HTR1E: variants seen among roughly 807,000 people sequenced by gnomAD.
The protein encoded by HTR1E is 5-hydroxytryptamine receptor 1E.
Under a neutral mutation model 3.4 loss-of-function variants are expected in HTR1E, and 3 were observed. That is an observed-to-expected ratio of 0.89 (90% CI 0.41 to 2.31). The LOEUF (loss-of-function observed/expected upper bound fraction) is 2.31. HTR1E is among the 30% of genes most tolerant of loss of function. The pLI, the probability that HTR1E is intolerant of heterozygous loss-of-function variation, is 0.05. For synonymous variants in HTR1E, 170 were observed against 182.8 expected, an observed-to-expected ratio of 0.93 and a Z score of 0.56; for missense variants, 392 against 467.0, an observed-to-expected ratio of 0.84 and a Z score of 1.48.
intron 1 of HTR1E, among the ~76,000 whole-genome samples, chr6:86,992,377 T>C (rs1562069348): frequency 6.6e-6 from 1 of 152,260 alleles, no homozygotes; most frequent in East Asian, 1.9e-4. Flanking sequence ...TTGTAATACA[T>C]GTGGTATGGA....
At chr6:86,967,641 G>A (rs959106727) in intron 1 of HTR1E, among the ~76,000 whole-genome samples, 13 of 152,056 alleles carry the variant, frequency 8.5e-5, no homozygotes, top group African/African-American at 3.1e-4. Context: ...CTTAGGATCA[G>A]GGAAATTTAT....
chr6:86,972,297 C>T (rs1417088686), intron 1 of HTR1E, among the ~76,000 whole-genome samples: 2 of 152,058 alleles, frequency 1.3e-5, no homozygotes, highest in East Asian at 1.9e-4. Context: ...TCATCCCTTA[C>T]ATTCTTAGCT....
In HTR1E at chr6:87,010,862, C is replaced by A. The variant is rs147181998; in HGVS notation, c.-185-4288C>A. The stretch of plus-strand genomic sequence containing the variant: ...CCTCCAGCCGCTGCCTCCCGGGCGG[C>A]GCTCGCCGGCCTATACGCCACACTT... On this transcript the variant is annotated intron_variant, in intron 1 of 1. Transcript: ENST00000305344. 2.0e-3 allele frequency among the ~76,000 whole-genome samples: 310 copies of A among 152,270 alleles called. 1 individual carries two copies. The highest frequency in any genetic ancestry group is 7.0e-3 in the African/African-American group (293 of 41,564).
intron 1 of HTR1E, among the ~76,000 whole-genome samples, chr6:86,993,500 GTC>G (rs1767897302): frequency 6.6e-6 from 1 of 150,888 alleles, no homozygotes; most frequent in Admixed American, 6.6e-5. Flanking sequence ...TCGTGTAGGA[GTC>G]TGAGAAGCAG....
chr6:86,991,658 T>A (rs1362739368), intron 1 of HTR1E, among the ~76,000 whole-genome samples: 2 of 152,102 alleles, frequency 1.3e-5, no homozygotes, highest in Admixed American at 1.3e-4. Flanking sequence ...AAAAGTGATG[T>A]TTGTTCAGTG....
rs1459424713 is a variant in HTR1E, at chr6:86,975,667, T to A, written c.-186+37844T>A. On this transcript the variant is annotated intron_variant, in intron 1 of 1. Coordinates refer to ENST00000305344, the MANE Select transcript of HTR1E (RefSeq NM_000865.3). Reference sequence around the variant, plus strand: ...CTCACTCTGATTACAAATAATAAAATTTTTTAGTTAAAGAAAAAAGAGATA... The same window carrying A: ...CTCACTCTGATTACAAATAATAAAAATTTTTAGTTAAAGAAAAAAGAGATA... Among the ~76,000 whole-genome samples, 6 of 151,982 alleles carry A rather than the reference T, an allele frequency of 3.9e-5. No homozygotes were observed. The South Asian group carries it at 1.2e-3, about 32-fold the overall frequency.
Position 87,016,092 on chromosome 6 carries a change from C to T in HTR1E, c.758C>T (p.Thr253Ile), listed in dbSNP as rs371341409. The part of the protein sequence containing the change: ...CVSDFSTSDP[T>I]TEFEKFHASI... ...TCTGACTTCTCCACCTCAGACCCTA[C>T]CACAGAGTTTGAAAAGTTCCATGCC... The change falls in exon 2 of 2, where the codon ACC (threonine) becomes ATC (isoleucine). Residue 253 changes from threonine (T) to isoleucine (I), a missense_variant. Transcript: ENST00000305344. 7 of 1,614,026 alleles carry T rather than the reference C, an allele frequency of 4.3e-6. No individual in the cohort carries two copies. Among genetic ancestry groups the T allele is most frequent in the Non-Finnish European group, 5.1e-6 (6 of 1,180,010 alleles).
At chr6:87,009,037 T>C (rs903512826) in intron 1 of HTR1E, among the ~76,000 whole-genome samples, 1 of 151,992 alleles carries the variant, frequency 6.6e-6, no homozygotes, top group African/African-American at 2.4e-5. Context: ...TTTTAGTCTA[T>C]ACGCCACACT....
chr6:86,981,686 C>T lies in HTR1E; in HGVS notation c.-185-33464C>T, dbSNP rs757005027. 4.1e-4 allele frequency among the ~76,000 whole-genome samples: 62 copies of T among 152,278 alleles called. 1 individual carries two copies. The highest frequency in any genetic ancestry group is 2.3e-3 in the South Asian group (11 of 4,822). On this transcript the variant is annotated intron_variant, in intron 1 of 1. Transcript: ENST00000305344. ...CATCATACAAATAAATAATTAGCTA[C>T]GTATTTAATACCTACTGCACACTGT...
At chr6:86,949,085 G>T (rs144685517) in intron 1 of HTR1E, among the ~76,000 whole-genome samples, 2 of 152,168 alleles carry the variant, frequency 1.3e-5, no homozygotes, top group African/African-American at 4.8e-5. Flanking sequence ...CTTTTAAAAG[G>T]TCTTTAATAA....
intron 1 of HTR1E, among the ~76,000 whole-genome samples, chr6:86,943,694 A>C (rs909440497): frequency 2.0e-5 from 3 of 152,200 alleles, no homozygotes; most frequent in Non-Finnish European, 4.4e-5. Context: ...TCTGCCATTC[A>C]TTAACTGCTT....
chr6:86,990,192 A>T (rs1398630705), intron 1 of HTR1E, among the ~76,000 whole-genome samples: 2 of 152,220 alleles, frequency 1.3e-5, no homozygotes, highest in African/African-American at 2.4e-5. Flanking sequence ...GGTGTTATTA[A>T]GCTGGGTCAA....
chr6:86,997,213 T>C (rs929021629), intron 1 of HTR1E, among the ~76,000 whole-genome samples: 1 of 151,878 alleles, frequency 6.6e-6, no homozygotes, highest in Non-Finnish European at 1.5e-5. Flanking sequence ...TAAAGAACAT[T>C]GACATGAAAC....
Position 87,015,769 on chromosome 6 carries a change from C to G in HTR1E, c.435C>G (p.Thr145=). ...AGAGGGCCGCGCTGATGATCCTTAC[C>G]GTCTGGACCATCTCCATTTTCATCT... ...TAKRAALMIL[T]VWTISIFISM... is the part of the protein sequence containing the mutation. Residue 145 remains threonine, a synonymous_variant, in exon 2 of 2, where the codon ACC becomes ACG. Transcript: ENST00000305344. 4 of 1,610,122 alleles carry G rather than the reference C, an allele frequency of 2.5e-6. No homozygotes were observed. Among genetic ancestry groups the G allele is most frequent in the Non-Finnish European group, 3.4e-6 (4 of 1,177,696 alleles).
chr6:86,992,424 G>A (rs1582275513), intron 1 of HTR1E, among the ~76,000 whole-genome samples: 1 of 152,242 alleles, frequency 6.6e-6, no homozygotes, highest in Non-Finnish European at 1.5e-5. Context: ...AAGTTCTCAA[G>A]CCTACTATGA....
rs763845120 is a variant in HTR1E at position 87,016,461 on chromosome 6, T to C, written c.*29T>C. ...GTAAAAAGCTAAAAGGCACGACTTT[T>C]TCCAGAGCCTCATGAGTGGATGGGG... is the stretch of plus-strand genomic sequence containing the variant. On this transcript the variant is annotated 3_prime_UTR_variant, in exon 2 of 2. Coordinates refer to ENST00000305344, the MANE Select transcript of HTR1E (RefSeq NM_000865.3). The C allele has an allele frequency of 2.6e-6, 4 of 1,550,824 alleles. No homozygotes were observed. In the East Asian group the frequency reaches 6.8e-5, roughly 26 times the overall value.
chr6:86,954,328 C>T (rs895088661), intron 1 of HTR1E, among the ~76,000 whole-genome samples: 2 of 150,308 alleles, frequency 1.3e-5, no homozygotes, highest in Non-Finnish European at 3.0e-5. Context: ...TATTCAATTA[C>T]TTTATTCAAC....
intron 1 of HTR1E, among the ~76,000 whole-genome samples, 190 bp downstream of exon 1, chr6:86,938,013 C>T (rs910827868): frequency 6.6e-6 from 1 of 152,250 alleles, no homozygotes; most frequent in African/African-American, 2.4e-5. Context: ...GATTATAGTA[C>T]AGAGAGCATT....
chr6:86,990,218 T>C lies in HTR1E; in HGVS notation c.-185-24932T>C, dbSNP rs1767853577. Among the ~76,000 whole-genome samples, 3 of 152,234 alleles carry C rather than the reference T, an allele frequency of 2.0e-5. No individual in the cohort carries two copies. In the South Asian group the frequency reaches 6.2e-4, roughly 31 times the overall value. On this transcript the variant is annotated intron_variant, in intron 1 of 1. Transcript: ENST00000305344. Reference sequence around the variant, plus strand: ...GCTGGGTCAAAAGAAAGTCATTTCATTTTTTTAAAATATGCTAATACAACC... The same window carrying C: ...GCTGGGTCAAAAGAAAGTCATTTCACTTTTTTAAAATATGCTAATACAACC...
Sources: allele counts gnomAD v4.1 joint callset (sites outside exome capture counted in the v4.1 genomes callset), GRCh38; gene constraint gnomAD v4.1.1; transcripts MANE v1.5; gene names NCBI Gene and HGNC (gene_info 2026-07-23, HGNC 2026-07-21).